The following SMYD3 variants were observed in gnomAD, a reference collection of about 807,000 sequenced individuals.
SMYD3 encodes histone-lysine N-methyltransferase SMYD3.
SMYD3 carries 36 observed loss-of-function variants against 57.7 expected under a neutral mutation model. That is an observed-to-expected ratio of 0.62 (90% CI 0.48 to 0.82). The LOEUF (loss-of-function observed/expected upper bound fraction) is 0.82. SMYD3 is among the 40% of genes least tolerant of loss of function. The probability of loss-of-function intolerance (pLI) is 0.00; values close to 1 mark genes in which losing one functional copy is unlikely to be tolerated. For synonymous variants in SMYD3, 211 were observed against 195.0 expected (o/e 1.08, Z -0.68); for missense variants, 515 against 538.8 (o/e 0.96, Z 0.44).
chr1:246,046,224 C>T (rs2059960495), intron 5 of SMYD3, among the ~76,000 whole-genome samples: 1 of 152,080 alleles, frequency 6.6e-6, no homozygotes, highest in Non-Finnish European at 1.5e-5. Context: ...TGGAACCAAC[C>T]CAAATGTCCA....
chr1:246,187,287 C>CAAA (rs201777727), intron 5 of SMYD3, among the ~76,000 whole-genome samples: 132 of 110,460 alleles, frequency 1.2e-3, no homozygotes, highest in South Asian at 6.6e-3. Flanking sequence ...GACTCTGTCT[C>CAAA]AAAAAAAAAA....
chr1:246,038,544 TA>T (rs2148286853), intron 5 of SMYD3, among the ~76,000 whole-genome samples: 1 of 152,340 alleles, frequency 6.6e-6, no homozygotes, highest in East Asian at 1.9e-4. Context: ...CACTGTATTC[TA>T]GACGTTAAAA....
At position 246,279,391 on chromosome 1, in the gene SMYD3, C is replaced by T. The variant is rs1021284274; in HGVS notation, c.531+47810G>A. Among the ~76,000 whole-genome samples the T allele has an allele frequency of 8.6e-5, 13 of 151,998 alleles. No homozygotes were observed. The East Asian group carries it at 1.2e-3, about 14-fold the overall frequency. ...CAAAAATTAGCTGGGCATGGTGGCGCGTGCCTGTAATCCCAGCTACTTGGG... is the reference window on the plus strand; with the variant it reads ...CAAAAATTAGCTGGGCATGGTGGCGTGTGCCTGTAATCCCAGCTACTTGGG... On this transcript the variant is annotated intron_variant, in intron 5 of 11. Coordinates refer to ENST00000490107, the MANE Select transcript of SMYD3 (RefSeq NM_001167740.2).
At chr1:245,827,453 C>A (rs902617718) in intron 10 of SMYD3, among the ~76,000 whole-genome samples, 1 of 152,204 alleles carries the variant, frequency 6.6e-6, no homozygotes, top group East Asian at 1.9e-4. Flanking sequence ...CTCCGGCCCA[C>A]GTGACCTCTC....
At chr1:245,936,094 C>A (rs1456531715) in intron 5 of SMYD3, among the ~76,000 whole-genome samples, 1 of 152,130 alleles carries the variant, frequency 6.6e-6, no homozygotes, top group African/African-American at 2.4e-5. Context: ...TTTAATCATT[C>A]CACCTTGTAT....
chr1:245,883,177 C>A (rs2052885435), intron 8 of SMYD3, among the ~76,000 whole-genome samples: 1 of 152,108 alleles, frequency 6.6e-6, no homozygotes, highest in Non-Finnish European at 1.5e-5. Context: ...TCTTTGTGCT[C>A]TTCACTGAGT....
chr1:246,102,014 C>T (rs1461445853), intron 5 of SMYD3, among the ~76,000 whole-genome samples: 6 of 152,288 alleles, frequency 3.9e-5, no homozygotes, highest in Non-Finnish European at 5.9e-5. Context: ...AAGTTCTATC[C>T]GGCTTTAATT....
intron 10 of SMYD3, among the ~76,000 whole-genome samples, chr1:245,804,903 T>C (rs2048065557): frequency 1.3e-5 from 2 of 152,192 alleles, no homozygotes; most frequent in Admixed American, 1.3e-4. Context: ...ACCCAGTCTG[T>C]GGTATTTTGT....
intron 5 of SMYD3, among the ~76,000 whole-genome samples, chr1:246,279,712 TA>T (rs1253533446): frequency 6.6e-6 from 1 of 152,046 alleles, no homozygotes; most frequent in Non-Finnish European, 1.5e-5. Context: ...GAAAAGACGA[TA>T]GTGTAGTACC....
At chr1:246,407,626 G>A (rs1447724177) in intron 1 of SMYD3, among the ~76,000 whole-genome samples, 2 of 152,084 alleles carry the variant, frequency 1.3e-5, no homozygotes, top group African/African-American at 4.8e-5. Context: ...TGGATCACCT[G>A]AGGTCAGGAG....
At chr1:246,179,264 CA>C (rs1168277330) in intron 5 of SMYD3, 5 of 152,874 alleles carry the variant, frequency 3.3e-5, no homozygotes, top group African/African-American at 7.2e-5. Context: ...TGGACCTTCG[CA>C]AAAGGCCTTT....
intron 5 of SMYD3, among the ~76,000 whole-genome samples, chr1:246,138,785 G>A (rs10802338): frequency 0.5 from 76,029 of 151,544 alleles, 22,950 homozygotes; most frequent in Non-Finnish European, 0.69. Context: ...TCTTTGTACC[G>A]CTCTCTATAA....
At chr1:246,419,342 C>T (rs184203302) in intron 1 of SMYD3, among the ~76,000 whole-genome samples, 79 of 152,352 alleles carry the variant, frequency 5.2e-4, no homozygotes, top group African/African-American at 1.9e-3. Flanking sequence ...GGTCTCTTCA[C>T]ATGGACACGT....
chr1:245,814,887 C>A (rs1289354851), intron 10 of SMYD3, among the ~76,000 whole-genome samples: 1 of 151,738 alleles, frequency 6.6e-6, no homozygotes, highest in African/African-American at 2.4e-5. Flanking sequence ...CGCACACACG[C>A]ATGCACACAC....
At chr1:245,813,229 G>A (rs931067816) in intron 10 of SMYD3, among the ~76,000 whole-genome samples, 2 of 152,054 alleles carry the variant, frequency 1.3e-5, no homozygotes, top group African/African-American at 4.8e-5. Flanking sequence ...TGGCCAGCCT[G>A]GTCTCGAACT....
chr1:246,308,220 G>C (rs1015342865), intron 5 of SMYD3, among the ~76,000 whole-genome samples: 20 of 152,250 alleles, frequency 1.3e-4, no homozygotes, highest in African/African-American at 4.1e-4. Context: ...TATCCTACCA[G>C]ACAGGGCGGA....
At position 246,002,514 on chromosome 1, in the gene SMYD3, TTCACCATGTTAGCCAGGATGGTCTCGATC is replaced by T. The variant is rs1335585852; in HGVS notation, c.532-72606_532-72578del. On this transcript the variant is annotated intron_variant, in intron 5 of 11. Coordinates refer to ENST00000490107, the MANE Select transcript of SMYD3 (RefSeq NM_001167740.2). ...TTTGTATTTTTAGTAGAGACGGGGT[TTCACCATGTTAGCCAGGATGGTCTCGATC>T]TCCTGACCTCGTGATCCGACCGCCT... Among the ~76,000 whole-genome samples, 8 of 84,044 alleles carry T rather than the reference TTCACCATGTTAGCCAGGATGGTCTCGATC, an allele frequency of 9.5e-5. 1 individual carries two copies. Among genetic ancestry groups the T allele is most frequent in the South Asian group, 1.1e-3 (2 of 1,806 alleles). The allele number at this position is 84,044 out of a possible 152,430, so 55.1% of individuals were successfully genotyped here. A position where few individuals can be genotyped will look rare whatever the true frequency, so the allele number is the denominator to read the frequency against.
At chr1:245,996,493 A>AAAT (rs1189235358) in intron 5 of SMYD3, among the ~76,000 whole-genome samples, 5 of 152,204 alleles carry the variant, frequency 3.3e-5, no homozygotes, top group Admixed American at 6.5e-5. Context: ...AAAACTGAAC[A>AAAT]AATAGACACA....
chr1:246,425,350 G>GT, intron 1 of SMYD3, among the ~76,000 whole-genome samples: 1 of 152,278 alleles, frequency 6.6e-6, no homozygotes, highest in South Asian at 2.1e-4. Flanking sequence ...AGACCACAGA[G>GT]TACATCCATC....
Sources: gnomAD v4.1 joint callset for allele counts (sites outside exome capture counted in the v4.1 genomes callset) on GRCh38, gnomAD v4.1.1 for gene constraint, MANE v1.5 for transcripts, NCBI Gene and HGNC (gene_info 2026-07-23, HGNC 2026-07-21) for gene names.